The following CHRDL1 variants were observed in gnomAD, a reference collection of about 807,000 sequenced individuals.
The protein encoded by CHRDL1 is chordin-like protein 1.
In CHRDL1, 19 loss-of-function variants were observed where a neutral mutation model predicts 40.9. That is an observed-to-expected ratio of 0.46 (90% CI 0.32 to 0.68). The LOEUF (loss-of-function observed/expected upper bound fraction) is 0.68. Among genes scored for constraint, CHRDL1 ranks in the 30% least tolerant of loss-of-function variants. CHRDL1 has a pLI of 0.03. For missense variants in CHRDL1, 329 were observed against 352.1 expected (o/e 0.93, Z 0.53); for synonymous variants, 136 against 123.4 (o/e 1.10, Z -0.68).
intron 4 of CHRDL1, among the ~76,000 whole-genome samples, chrX:110,746,511 T>C (rs1301292641): frequency 9.0e-6 from 1 of 111,617 alleles, no homozygotes; most frequent in Non-Finnish European, 1.9e-5. Context: ...ATCAGCATTA[T>C]TGTGCGGCAT....
Position 110,694,190 on chromosome X carries a change from T to C in CHRDL1, c.751A>G (p.Ile251Val), listed in dbSNP as rs781026512. 1.4e-5 allele frequency: 17 copies of C among 1,208,346 alleles called. No homozygotes were observed. The highest frequency in any genetic ancestry group is 1.8e-5 in the Non-Finnish European group (16 of 893,807). The change falls in exon 8 of 12, where the codon ATC (isoleucine) becomes GTC (valine). Residue 251 changes from isoleucine to valine, a missense_variant. By Grantham distance (29) the Ile-to-Val change is conservative. Transcript: ENST00000372042. ...TGTCCATGCTTGTGTTTGTTATTGATGACAATTTGCACAATGGTTCCTGAT... is the reference window on the plus strand; with the variant it reads ...TGTCCATGCTTGTGTTTGTTATTGACGACAATTTGCACAATGGTTCCTGAT... ...QASGTIVQIV[I>V]NNKHKHGQVC...
At chrX:110,751,390 C>T (rs2089355362) in intron 4 of CHRDL1, among the ~76,000 whole-genome samples, 1 of 111,953 alleles carries the variant, frequency 8.9e-6, no homozygotes, top group Admixed American at 9.5e-5. Context: ...CTGCAAAGTG[C>T]CTCCAAAAAA....
chrX:110,749,760 T>C (rs1420814036), intron 4 of CHRDL1, among the ~76,000 whole-genome samples: 1 of 111,815 alleles, frequency 8.9e-6, no homozygotes, highest in Non-Finnish European at 1.9e-5. Context: ...ATAAAGACAA[T>C]TGCTTATCTT....
chrX:110,712,698 G>A (rs2070767152), intron 6 of CHRDL1, among the ~76,000 whole-genome samples: 2 of 103,924 alleles, frequency 1.9e-5, no homozygotes. Context: ...GCGAGACCAT[G>A]TCTCTAAAAA....
At chrX:110,707,338 A>G (rs1377310690) in intron 6 of CHRDL1, among the ~76,000 whole-genome samples, 2 of 111,994 alleles carry the variant, frequency 1.8e-5, no homozygotes, top group East Asian at 5.6e-4. Context: ...AGCCAGGACA[A>G]TCCTAAGCAA....
rs1171091532 is a variant in CHRDL1 at position 110,792,212 on chromosome X, C to T, written c.-31G>A. 3.3e-6 allele frequency: 3 copies of T among 908,250 alleles called. No individual in the cohort carries two copies. The highest frequency in any genetic ancestry group is 3.2e-6 in the Non-Finnish European group (2 of 632,760). The allele number at this position is 908,250 out of a possible 1,213,427, so 74.8% of individuals were successfully genotyped here. ...CCACTGCAAAAGGTGACAGAACCTT[C>T]AAGCTGTTGGGAAGAAAGCAGAAAA... On this transcript the variant is annotated 5_prime_UTR_variant, in exon 2 of 12. Transcript: ENST00000372042.
At chrX:110,715,054 T>G (rs1471249425) in intron 6 of CHRDL1, among the ~76,000 whole-genome samples, 1 of 111,762 alleles carries the variant, frequency 8.9e-6, no homozygotes, top group Non-Finnish European at 1.9e-5. Flanking sequence ...TAGGATTTAG[T>G]CTTTATAAAG....
At chrX:110,729,962 CT>C (rs1432554375) in intron 4 of CHRDL1, among the ~76,000 whole-genome samples, 1 of 111,623 alleles carries the variant, frequency 9.0e-6, no homozygotes, top group Non-Finnish European at 1.9e-5. Context: ...AATTGTTGTT[CT>C]TTTACTACTA....
intron 4 of CHRDL1, among the ~76,000 whole-genome samples, chrX:110,731,475 C>T (rs752466504): frequency 3.6e-5 from 4 of 111,102 alleles, no homozygotes; most frequent in Non-Finnish European, 7.5e-5. Flanking sequence ...TATAAGCCAC[C>T]AATTCCACTC....
chrX:110,681,553 G>A lies in CHRDL1; in HGVS notation c.1085C>T (p.Thr362Ile), dbSNP rs1008650173. 5 of 1,203,944 alleles carry A rather than the reference G, an allele frequency of 4.2e-6. No homozygotes were observed. The Admixed American group carries it at 6.6e-5, about 16-fold the overall frequency. Reference sequence around the variant, plus strand: ...AGTCTCCAGTGCTATTTTTCTGGTTGTCTCCCCATCCTCCATGAATACAGA... The same window carrying A: ...AGTCTCCAGTGCTATTTTTCTGGTTATCTCCCCATCCTCCATGAATACAGA... ...YESVFMEDGE[T>I]TRKIALETER... is the part of the protein sequence containing the mutation. Residue 362 changes from threonine (T) to isoleucine (I), a missense_variant, in exon 10 of 12, where the codon ACA becomes ATA. Transcript: ENST00000372042.
chrX:110,759,839 G>T, intron 3 of CHRDL1, 85 bp from the exon 4 acceptor site: 1 of 625,701 alleles, frequency 1.6e-6, no homozygotes, highest in African/African-American at 2.1e-5. Flanking sequence ...GTCATGCAGG[G>T]ACTCACCCAG....
chrX:110,685,041 A>G (rs1242333530), intron 9 of CHRDL1, among the ~76,000 whole-genome samples: 1 of 112,273 alleles, frequency 8.9e-6, no homozygotes, highest in African/African-American at 3.2e-5. Flanking sequence ...CAACTGGGAT[A>G]CTGGAGGGCA....
Position 110,792,083 on chromosome X carries a change from C to G in CHRDL1, c.94+5G>C. Reference sequence around the variant, plus strand: ...TGTATTATTTTCCAAATGCAAGACACTTACGTTTTACTTGCTCTGTTTTGC... The same window carrying G: ...TGTATTATTTTCCAAATGCAAGACAGTTACGTTTTACTTGCTCTGTTTTGC... On this transcript the variant is annotated splice_donor_5th_base_variant and intron_variant, in intron 2 of 11. Transcript: ENST00000372042. The G allele has an allele frequency of 9.0e-7, 1 of 1,107,328 alleles. No homozygotes were observed. Among genetic ancestry groups the G allele is most frequent in the Non-Finnish European group, 1.2e-6 (1 of 808,168 alleles). 91.3% of individuals were successfully genotyped at this position (1,107,328 alleles called of 1,213,427 possible). A position where few individuals can be genotyped will look rare whatever the true frequency, so the allele number is the denominator to read the frequency against.
intron 4 of CHRDL1, among the ~76,000 whole-genome samples, chrX:110,744,631 TG>T (rs1354680916): frequency 9.0e-6 from 1 of 111,316 alleles, no homozygotes; most frequent in Non-Finnish European, 1.9e-5. Flanking sequence ...CTTGGGAACA[TG>T]TACATTCTGA....
intron 2 of CHRDL1, among the ~76,000 whole-genome samples, chrX:110,773,342 G>A (rs1226797071): frequency 1.8e-5 from 2 of 111,888 alleles, no homozygotes; most frequent in African/African-American, 6.5e-5. Context: ...ACCCATGTGC[G>A]ATTTAGAAGT....
At chrX:110,705,759 A>C (rs1440926420) in intron 6 of CHRDL1, among the ~76,000 whole-genome samples, 2 of 108,008 alleles carry the variant, frequency 1.9e-5, no homozygotes, top group Admixed American at 1.0e-4. Flanking sequence ...GGGATATTTA[A>C]CCTGTATATA....
intron 2 of CHRDL1, among the ~76,000 whole-genome samples, chrX:110,781,580 A>C (rs1014965136): frequency 1.8e-5 from 2 of 111,699 alleles, no homozygotes; most frequent in African/African-American, 6.5e-5. Flanking sequence ...TATGTTCTGC[A>C]TGGTTGAATG....
intron 3 of CHRDL1, among the ~76,000 whole-genome samples, chrX:110,762,370 C>T (rs1048893734): frequency 5.4e-5 from 6 of 111,539 alleles, no homozygotes; most frequent in African/African-American, 2.0e-4. Context: ...TAGAAGTCCC[C>T]AGCTCAAGTG....
In CHRDL1 at chrX:110,680,054, G is replaced by A. The variant is rs2069861097; in HGVS notation, c.1157-629C>T. Among the ~76,000 whole-genome samples the A allele has an allele frequency of 2.7e-5, 3 of 111,987 alleles. No homozygotes were observed. In the Admixed American group the frequency reaches 2.8e-4, roughly 11 times the overall value. On this transcript the variant is annotated intron_variant, in intron 10 of 11. Coordinates refer to ENST00000372042, the MANE Select transcript of CHRDL1 (RefSeq NM_001143981.2). ...AATAACAGGTAGACAACTGACAACT[G>A]CCTTATACTGAAGGAGCAACATATT...
Sources: gnomAD v4.1 joint callset for allele counts (sites outside exome capture counted in the v4.1 genomes callset) on GRCh38, gnomAD v4.1.1 for gene constraint, MANE v1.5 for transcripts, NCBI Gene and HGNC (gene_info 2026-07-23, HGNC 2026-07-21) for gene names.